Variants in ZFPM2 observed in about 807,000 individuals in gnomAD.
The protein encoded by ZFPM2 is zinc finger protein, FOG family member 2.
Under a neutral mutation model 98.6 loss-of-function variants are expected in ZFPM2, and 20 were observed. That is an observed-to-expected ratio of 0.20 (90% CI 0.14 to 0.29). The LOEUF is 0.29. ZFPM2 is among the 10% of genes least tolerant of loss of function. ZFPM2 has a pLI of 1.00. For synonymous variants in ZFPM2, 518 were observed against 502.7 expected, an observed-to-expected ratio of 1.03 and a Z score of -0.41; for missense variants, 1,310 against 1,388.6, an observed-to-expected ratio of 0.94 and a Z score of 0.90.
At chr8:105,790,783 G>T (rs1280792458) in intron 6 of ZFPM2, among the ~76,000 whole-genome samples, 1 of 152,150 alleles carries the variant, frequency 6.6e-6, no homozygotes, top group Non-Finnish European at 1.5e-5. Flanking sequence ...GCAGTGGTTT[G>T]TAGTTCTCCT....
chr8:105,619,584 G>T (rs1413745627), intron 4 of ZFPM2, among the ~76,000 whole-genome samples: 2 of 151,924 alleles, frequency 1.3e-5, no homozygotes, highest in Non-Finnish European at 2.9e-5. Context: ...TGCACAATGT[G>T]CAGGTTTGTT....
At chr8:105,605,224 T>G (rs1162719246) in intron 4 of ZFPM2, among the ~76,000 whole-genome samples, 1 of 152,092 alleles carries the variant, frequency 6.6e-6, no homozygotes, top group African/African-American at 2.4e-5. Context: ...AATCCTGACT[T>G]CATCACTCTC....
Position 105,472,754 on chromosome 8 carries a change from C to T in ZFPM2, c.301+28373C>T, listed in dbSNP as rs35074271. Reference sequence around the variant, plus strand: ...CGATCTCCTGACCTCATGATCCACCCGCCTCGGCCTCTCAAAATGCTGGGA... The same window carrying T: ...CGATCTCCTGACCTCATGATCCACCTGCCTCGGCCTCTCAAAATGCTGGGA... On this transcript the variant is annotated intron_variant, in intron 3 of 7. Coordinates refer to ENST00000407775, the MANE Select transcript of ZFPM2 (RefSeq NM_012082.4). Among the ~76,000 whole-genome samples the T allele has an allele frequency of 4.7e-3, 714 of 152,006 alleles. 2 individuals carry two copies. Among genetic ancestry groups the T allele is most frequent in the Non-Finnish European group, 7.7e-3 (526 of 67,954 alleles).
chr8:105,360,096 A>T (rs1234603150), intron 1 of ZFPM2, among the ~76,000 whole-genome samples: 1 of 152,200 alleles, frequency 6.6e-6, no homozygotes, highest in African/African-American at 2.4e-5. Flanking sequence ...TTCATCATAC[A>T]GGGAAGTATT....
intron 5 of ZFPM2, among the ~76,000 whole-genome samples, chr8:105,729,676 A>G (rs557656853): frequency 7.6e-4 from 116 of 151,778 alleles, no homozygotes; most frequent in African/African-American, 2.1e-3. Flanking sequence ...TTGGCCTTAT[A>G]TAACTGACTC....
At chr8:105,564,795 A>G (rs974681636) in intron 4 of ZFPM2, among the ~76,000 whole-genome samples, 5 of 151,940 alleles carry the variant, frequency 3.3e-5, no homozygotes, top group African/African-American at 9.7e-5. Context: ...AATTAGAAAT[A>G]TACCTTTTTT....
At chr8:105,501,257 G>A (rs1473231003) in intron 3 of ZFPM2, among the ~76,000 whole-genome samples, 21 of 150,702 alleles carry the variant, frequency 1.4e-4, no homozygotes, top group African/African-American at 5.1e-4. Context: ...ATCTCAGCTG[G>A]CTGCAAACTC....
chr8:105,348,936 G>A (rs1249226038), intron 1 of ZFPM2, among the ~76,000 whole-genome samples: 1 of 152,098 alleles, frequency 6.6e-6, no homozygotes, highest in Non-Finnish European at 1.5e-5. Flanking sequence ...ATAGATAATG[G>A]AATATTTCAT....
chr8:105,561,544 C>A, intron 4 of ZFPM2, 63 bp downstream of exon 4: 1 of 1,251,574 alleles, frequency 8.0e-7, no homozygotes, highest in Non-Finnish European at 1.1e-6. Flanking sequence ...TGCCATAGCT[C>A]AGAAATTCTC....
intron 3 of ZFPM2, among the ~76,000 whole-genome samples, chr8:105,509,767 A>G (rs1813777858): frequency 6.6e-6 from 1 of 152,126 alleles, no homozygotes; most frequent in African/African-American, 2.4e-5. Flanking sequence ...TAAGGAAGTG[A>G]AGTAGTAGTT....
intron 3 of ZFPM2, among the ~76,000 whole-genome samples, chr8:105,560,537 T>C (rs1218703505): frequency 6.6e-6 from 1 of 151,938 alleles, no homozygotes; most frequent in African/African-American, 2.4e-5. Context: ...TGTGATTTTT[T>C]TTCTACCTAT....
At chr8:105,667,603 CTTCT>C (rs1255865399) in intron 5 of ZFPM2, among the ~76,000 whole-genome samples, 1 of 152,170 alleles carries the variant, frequency 6.6e-6, no homozygotes, top group Non-Finnish European at 1.5e-5. Context: ...AAAGTACTCT[CTTCT>C]TTCTAACTAC....
At chr8:105,622,102 C>G (rs1357914600) in intron 4 of ZFPM2, among the ~76,000 whole-genome samples, 3 of 151,136 alleles carry the variant, frequency 2.0e-5, no homozygotes, top group Non-Finnish European at 2.9e-5. Context: ...TATTATTTAT[C>G]TAGAAAAAAA....
rs190463462 is a variant in ZFPM2 at position 105,533,670 on chromosome 8, G to A, written c.302-27693G>A. ...CCTCCCTCCCTCTCTCCTTTCCTTC[G>A]TTCGTTCCTTCCCTCCGTCCTTCCC... On this transcript the variant is annotated intron_variant, in intron 3 of 7. Coordinates refer to ENST00000407775, the MANE Select transcript of ZFPM2 (RefSeq NM_012082.4). Among the ~76,000 whole-genome samples, 145 of 89,632 alleles carry A rather than the reference G, an allele frequency of 1.6e-3. 3 individuals are homozygous for A. In the East Asian group the frequency reaches 0.034, roughly 21 times the overall value. The allele number at this position is 89,632 out of a possible 152,430, so 58.8% of individuals were successfully genotyped here.
chr8:105,531,029 C>G lies in ZFPM2; in HGVS notation c.302-30334C>G, dbSNP rs1200963727. On this transcript the variant is annotated intron_variant, in intron 3 of 7. Transcript: ENST00000407775. ...ACTCCTTTTTCTAAGAAATAATTGT[C>G]TTAAAGAATCCAGCTCTCACAGTGG... 2.6e-5 allele frequency among the ~76,000 whole-genome samples: 4 copies of G among 152,132 alleles called. No homozygotes were observed. In the South Asian group the frequency reaches 8.3e-4, roughly 32 times the overall value.
intron 5 of ZFPM2, among the ~76,000 whole-genome samples, chr8:105,684,174 T>G (rs973650951): frequency 5.3e-5 from 8 of 152,136 alleles, no homozygotes; most frequent in Admixed American, 2.0e-4. Context: ...TACATCAGAT[T>G]TGAGAATAAC....
At chr8:105,483,634 C>A (rs1008403498) in intron 3 of ZFPM2, among the ~76,000 whole-genome samples, 1 of 151,388 alleles carries the variant, frequency 6.6e-6, no homozygotes, top group Non-Finnish European at 1.5e-5. Context: ...TCTCATAGAT[C>A]TTTGAAGATA....
rs537195812 is a variant in ZFPM2 at position 105,475,391 on chromosome 8, C to T, written c.301+31010C>T. ...ACTTCGGTGCTCCCTCTTGGTACCC[C>T]GTGCACATAAATAAATATCATCAAT... On this transcript the variant is annotated intron_variant, in intron 3 of 7. Coordinates refer to ENST00000407775, the MANE Select transcript of ZFPM2 (RefSeq NM_012082.4). Among the ~76,000 whole-genome samples, 4 of 152,234 alleles carry T rather than the reference C, an allele frequency of 2.6e-5. No homozygotes were observed. The South Asian group carries it at 6.2e-4, about 24-fold the overall frequency.
intron 2 of ZFPM2, among the ~76,000 whole-genome samples, chr8:105,429,057 A>G (rs1437874749): frequency 6.6e-6 from 1 of 152,180 alleles, no homozygotes; most frequent in Non-Finnish European, 1.5e-5. Flanking sequence ...GGTCTCTTTA[A>G]GGATTATTTT....
Sources: allele counts gnomAD v4.1 joint callset (sites outside exome capture counted in the v4.1 genomes callset), GRCh38; gene constraint gnomAD v4.1.1; transcripts MANE v1.5; gene names NCBI Gene and HGNC (gene_info 2026-07-23, HGNC 2026-07-21).